SLITRK4: variants seen among roughly 807,000 people sequenced by gnomAD.
SLITRK4 encodes the protein SLIT and NTRK-like protein 4.
SLITRK4 carries 7 observed loss-of-function variants against 34.7 expected under a neutral mutation model. The ratio of observed to expected loss-of-function variants is 0.20; its 90% CI spans 0.11 to 0.38. The LOEUF is 0.38. Ranked by LOEUF, SLITRK4 falls within the 10% of genes least tolerant of loss-of-function variation. SLITRK4 has a pLI of 1.00. For missense variants in SLITRK4, 474 were observed against 607.0 expected, an observed-to-expected ratio of 0.78 and a Z score of 2.30; for synonymous variants, 237 against 246.2, an observed-to-expected ratio of 0.96 and a Z score of 0.35.
intron 1 of SLITRK4, among the ~76,000 whole-genome samples, chrX:143,632,345 T>C (rs1931067777): frequency 9.0e-6 from 1 of 111,561 alleles, no homozygotes; most frequent in South Asian, 3.8e-4. Flanking sequence ...AAATAACTCA[T>C]CGTTTTCAGG....
rs781846266 is a variant in SLITRK4 at position 143,628,664 on chromosome X, C to A, written c.2445G>T (p.Lys815Asn). 8.3e-7 allele frequency: 1 copy of A among 1,210,733 alleles called. No homozygotes were observed. The highest frequency in any genetic ancestry group is 1.8e-5 in the South Asian group (1 of 56,642). The change falls in exon 2 of 2, where the codon AAG becomes AAT. Residue 815 changes from lysine to asparagine, a missense_variant. Around this residue, in one of 3 missense-constraint regions of SLITRK4, gnomAD observed 345 missense variants for 406.5 expected, o/e 0.85. Coordinates refer to ENST00000356928, the MANE Select transcript of SLITRK4 (RefSeq NM_001184749.3). ...AGTCAGGGGAACTCTGCAGTTTCGC[C>A]TTCAGTTCAAAATACTCACTCTTCC... Reference protein sequence around the residue: ...EQRKSEYFELKAKLQSSPDYL... With the variant: ...EQRKSEYFELNAKLQSSPDYL...
At position 143,625,657 on chromosome X, in the gene SLITRK4, A is replaced by G. The variant is rs1930761411; in HGVS notation, c.*2938T>C. ...CAGGGGTTAAACTAACATCAAGGTT[A>G]TAGTTGAAGCCAACAAAATGTAGAT... On this transcript the variant is annotated 3_prime_UTR_variant, in exon 2 of 2. Coordinates refer to ENST00000356928, the MANE Select transcript of SLITRK4 (RefSeq NM_001184749.3). 9.0e-6 allele frequency: 1 copy of G among 111,612 alleles called. No homozygotes were observed. The highest frequency in any genetic ancestry group is 3.2e-5 in the African/African-American group (1 of 30,840). 9.2% of individuals were successfully genotyped at this position (111,612 alleles called of 1,213,427 possible). A position where few individuals can be genotyped will look rare whatever the true frequency, so the allele number is the denominator to read the frequency against.
At chrX:143,631,228 C>T (rs975157915) in intron 1 of SLITRK4, 70 bp from the exon 2 acceptor site, 6 of 537,426 alleles carry the variant, frequency 1.1e-5, no homozygotes, top group Non-Finnish European at 1.7e-5. Flanking sequence ...TAAATCATAC[C>T]ATAGTGAACA....
Position 143,629,627 on chromosome X carries a change from G to A in SLITRK4, c.1482C>T (p.Ser494=), listed in dbSNP as rs147741797. 2.8e-3 allele frequency: 3,368 copies of A among 1,209,454 alleles called. 47 individuals carry two copies. The African/African-American group carries it at 0.043, about 15-fold the overall frequency. The change falls in exon 2 of 2, where the codon TCC becomes TCT. Residue 494 remains serine, a synonymous_variant. Transcript: ENST00000356928. ...GGTTCAGTCTAGCTAAGGGTGCTCCGGAAAAGATGTAAACAGGCAGGCTCT... is the reference window on the plus strand; with the variant it reads ...GGTTCAGTCTAGCTAAGGGTGCTCCAGAAAAGATGTAAACAGGCAGGCTCT... ...LLKSLPVYIF[S]GAPLARLNLR...
Position 143,629,756 on chromosome X carries a change from C to A in SLITRK4, c.1353G>T (p.Leu451=). 2 of 1,210,547 alleles carry A rather than the reference C, an allele frequency of 1.7e-6. No homozygotes were observed. Among genetic ancestry groups the A allele is most frequent in the South Asian group, 3.5e-5 (2 of 56,909 alleles). The part of the protein sequence containing the change: ...YPEIFSGLHN[L]QYLYLEYNLI... ...AATTGTATTCCAAATACAGATACTG[C>A]AGGTTATGAAGACCTGAAAATATTT... Residue 451 remains leucine (L), a synonymous_variant, in exon 2 of 2, where the codon CTG becomes CTT. Transcript: ENST00000356928.
chrX:143,630,114 T>C lies in SLITRK4; in HGVS notation c.995A>G (p.Tyr332Cys), dbSNP rs138312520. The change falls in exon 2 of 2, where the codon TAC (tyrosine) becomes TGC (cysteine). Residue 332 changes from tyrosine to cysteine, a missense_variant. This residue lies in a region of SLITRK4 where 345 missense variants were observed against 406.5 expected (regional missense o/e 0.85). Coordinates refer to ENST00000356928, the MANE Select transcript of SLITRK4 (RefSeq NM_001184749.3). ...SNRNLSQIVS[Y>C]QTRVPPLTPC... Reference sequence around the variant, plus strand: ...TGTTAGAGGAGGCACCCTTGTTTGGTAAGACACAATCTGACTGAGATTGCG... The same window carrying C: ...TGTTAGAGGAGGCACCCTTGTTTGGCAAGACACAATCTGACTGAGATTGCG... 31 of 1,211,944 alleles carry C rather than the reference T, an allele frequency of 2.6e-5. No individual in the cohort carries two copies. Among genetic ancestry groups the C allele is most frequent in the Non-Finnish European group, 3.5e-5 (31 of 895,558 alleles).
chrX:143,628,131 T>TTTTTTTTTTTTTTTTTTTTTTTTTTTG lies in SLITRK4; in HGVS notation c.*463_*464insCAAAAAAAAAAAAAAAAAAAAAAAAAA, dbSNP rs1930870039. ...TTTTTTTTTTTTTTTTTTTTTTACT[T>TTTTTTTTTTTTTTTTTTTTTTTTTTTG]TTCAGATAATCTTTACACGGAGTTG... On this transcript the variant is annotated 3_prime_UTR_variant, in exon 2 of 2. Coordinates refer to ENST00000356928, the MANE Select transcript of SLITRK4 (RefSeq NM_001184749.3). The TTTTTTTTTTTTTTTTTTTTTTTTTTTG allele has an allele frequency of 5.1e-6, 1 of 197,191 alleles. No individual in the cohort carries two copies. Among genetic ancestry groups the TTTTTTTTTTTTTTTTTTTTTTTTTTTG allele is most frequent in the African/African-American group, 3.7e-5 (1 of 26,997 alleles). The allele number at this position is 197,191 out of a possible 1,213,427, so 16.3% of individuals were successfully genotyped here. A position where few individuals can be genotyped will look rare whatever the true frequency, so the allele number is the denominator to read the frequency against.
Position 143,624,995 on chromosome X carries a change from G to A in SLITRK4, c.*3600C>T, listed in dbSNP as rs370985433. On this transcript the variant is annotated 3_prime_UTR_variant, in exon 2 of 2. Transcript: ENST00000356928. ...TCTCCCCAACTCTTTGGATGCGACA[G>A]TAACAACAAAAAAACCTCAGTGTGC... The A allele has an allele frequency of 2.7e-5, 3 of 110,685 alleles. No individual in the cohort carries two copies. Among genetic ancestry groups the A allele is most frequent in the African/African-American group, 9.8e-5 (3 of 30,562 alleles). 9.1% of individuals were successfully genotyped at this position (110,685 alleles called of 1,213,427 possible).
intron 1 of SLITRK4, among the ~76,000 whole-genome samples, chrX:143,631,685 T>C (rs1271079351): frequency 9.0e-6 from 1 of 110,838 alleles, no homozygotes; most frequent in African/African-American, 3.3e-5. Context: ...TGGGCTGCTG[T>C]AGCAGGGACT....
chrX:143,635,379 G>T (rs1353769924), intron 1 of SLITRK4, among the ~76,000 whole-genome samples: 1 of 103,335 alleles, frequency 9.7e-6, no homozygotes, highest in Non-Finnish European at 2.0e-5. Context: ...CAGGCGTGGA[G>T]ACCCCAGTCC....
chrX:143,628,741 T>C lies in SLITRK4; in HGVS notation c.2368A>G (p.Ser790Gly). 3 of 1,211,055 alleles carry C rather than the reference T, an allele frequency of 2.5e-6. No individual in the cohort carries two copies. Among genetic ancestry groups the C allele is most frequent in the Non-Finnish European group, 3.4e-6 (3 of 895,198 alleles). The change falls in exon 2 of 2, where the codon AGT (serine) becomes GGT (glycine). Residue 790 changes from serine to glycine, a missense_variant. By Grantham distance (56) the Ser-to-Gly change is moderately conservative. Transcript: ENST00000356928. ...RYPEKQPDKK[S>G]KKSLIGGNHS... ...TTGCCACCTATCAGTGACTTCTTACTTTTTTTGTCTGGTTGTTTTTCTGGA... is the reference window on the plus strand; with the variant it reads ...TTGCCACCTATCAGTGACTTCTTACCTTTTTTGTCTGGTTGTTTTTCTGGA...
rs782497461 is a variant in SLITRK4 at position 143,628,091 on chromosome X, CTTTTTTTTTTTTTTT to C, written c.*489_*503del. On this transcript the variant is annotated 3_prime_UTR_variant, in exon 2 of 2. Transcript: ENST00000356928. Reference sequence around the variant, plus strand: ...CTATCGAGTGTTCTCTCTTTGCATGCTTTTTTTTTTTTTTTTTTTTTTTTTTTTTTTTTTTTACTT... The same window carrying C: ...CTATCGAGTGTTCTCTCTTTGCATGCTTTTTTTTTTTTTTTTTTTTTACTT... 3.8e-4 allele frequency: 28 copies of C among 73,086 alleles called. No individual in the cohort carries two copies. Among genetic ancestry groups the C allele is most frequent in the South Asian group, 1.9e-3 (1 of 535 alleles). 6.0% of individuals were successfully genotyped at this position (73,086 alleles called of 1,213,427 possible). A position where few individuals can be genotyped will look rare whatever the true frequency, so the allele number is the denominator to read the frequency against.
intron 1 of SLITRK4, among the ~76,000 whole-genome samples, chrX:143,633,910 C>A (rs1931138049): frequency 3.5e-5 from 4 of 113,019 alleles, no homozygotes; most frequent in Non-Finnish European, 7.5e-5. Flanking sequence ...GCCCAAGCAG[C>A]AGCCTGGCGG....
intron 1 of SLITRK4, chrX:143,634,375 C>T (rs1931154485): frequency 8.9e-6 from 1 of 111,994 alleles, no homozygotes. Flanking sequence ...TAGCAATCTC[C>T]GACCAACCCG....
Position 143,629,008 on chromosome X carries a change from C to A in SLITRK4, c.2101G>T (p.Gly701Cys). ...AACCCAGTTTCTGACTCTTTCAAGCCACAAGTGTGGCTCTTGCTCATCTGT... is the reference window on the plus strand; with the variant it reads ...AACCCAGTTTCTGACTCTTTCAAGCAACAAGTGTGGCTCTTGCTCATCTGT... ...IEQMSKSHTC[G>C]LKESETGFMF... Residue 701 changes from glycine to cysteine, a missense_variant, in exon 2 of 2, where the codon GGC (glycine) becomes TGC (cysteine). Gly to Cys is a radical substitution (Grantham distance 159). This residue lies in a region of SLITRK4 where 345 missense variants were observed against 406.5 expected (regional missense o/e 0.85). Coordinates refer to ENST00000356928, the MANE Select transcript of SLITRK4 (RefSeq NM_001184749.3). The A allele has an allele frequency of 8.3e-7, 1 of 1,211,625 alleles. No homozygotes were observed. The highest frequency in any genetic ancestry group is 2.2e-5 in the Admixed American group (1 of 46,015).
In SLITRK4 at chrX:143,626,093, T is replaced by C. The variant is rs1261270232; in HGVS notation, c.*2502A>G. On this transcript the variant is annotated 3_prime_UTR_variant, in exon 2 of 2. Coordinates refer to ENST00000356928, the MANE Select transcript of SLITRK4 (RefSeq NM_001184749.3). ...CAAATGACCTATTATCCCCAGACCA[T>C]GAATGGAACTTTCTGATTCCTCCTA... 9.0e-6 allele frequency: 1 copy of C among 111,295 alleles called. No individual in the cohort carries two copies. Among genetic ancestry groups the C allele is most frequent in the Non-Finnish European group, 1.9e-5 (1 of 52,810 alleles). The allele number at this position is 111,295 out of a possible 1,213,427, so 9.2% of individuals were successfully genotyped here.
rs1931207087 is a variant in SLITRK4, at chrX:143,635,475, CGAAGG to C, written c.-51+255_-51+259del. ...TTCTTCTCTTCCAGTCCCCTAATAACGAAGGAACACACACACACACACACACACAC... is the reference window on the plus strand; with the variant it reads ...TTCTTCTCTTCCAGTCCCCTAATAACAACACACACACACACACACACACAC... On this transcript the variant is annotated intron_variant, in intron 1 of 1. Coordinates refer to ENST00000356928, the MANE Select transcript of SLITRK4 (RefSeq NM_001184749.3). Among the ~76,000 whole-genome samples, 5 of 72,940 alleles carry C rather than the reference CGAAGG, an allele frequency of 6.9e-5. No individual in the cohort carries two copies. The South Asian group carries it at 4.8e-3, about 70-fold the overall frequency. The allele number at this position is 72,940 out of a possible 115,157, so 63.3% of individuals were successfully genotyped here.
intron 1 of SLITRK4, among the ~76,000 whole-genome samples, chrX:143,635,481 AACACACACACAC>A (rs782006427): frequency 0.011 from 611 of 55,241 alleles, 6 homozygotes; most frequent in South Asian, 0.075. Context: ...ATAACGAAGG[AACACACACACAC>A]ACACACACAC....
chrX:143,623,858 T>C lies in SLITRK4; in HGVS notation c.*4737A>G, dbSNP rs1192574316. On this transcript the variant is annotated 3_prime_UTR_variant, in exon 2 of 2. Coordinates refer to ENST00000356928, the MANE Select transcript of SLITRK4 (RefSeq NM_001184749.3). ...CACTAGAAATGATGCCAAACCTTGA[T>C]TTGATGCCACTTGTCTACATAACAG... The C allele has an allele frequency of 9.0e-6, 1 of 111,378 alleles. No individual in the cohort carries two copies. Among genetic ancestry groups the C allele is most frequent in the African/African-American group, 3.3e-5 (1 of 30,702 alleles). The allele number at this position is 111,378 out of a possible 1,213,427, so 9.2% of individuals were successfully genotyped here.
Sources: allele counts gnomAD v4.1 joint callset (sites outside exome capture counted in the v4.1 genomes callset), GRCh38; gene constraint gnomAD v4.1.1; regional missense constraint gnomAD v4.1.1; transcripts MANE v1.5; gene names NCBI Gene and HGNC (gene_info 2026-07-23, HGNC 2026-07-21).